CACNG3: variants seen among roughly 807,000 people sequenced by gnomAD.
CACNG3 encodes the protein voltage-dependent calcium channel gamma-3 subunit.
A neutral mutation model predicts 28.5 loss-of-function variants in CACNG3; 3 were observed. The ratio of observed to expected loss-of-function variants is 0.11; its 90% CI spans 0.05 to 0.27. CACNG3 has a LOEUF of 0.27. Among genes scored for constraint, CACNG3 ranks in the 10% least tolerant of loss-of-function variants. The probability of loss-of-function intolerance (pLI) is 1.00; values close to 1 mark genes in which losing one functional copy is unlikely to be tolerated. For missense variants in CACNG3, 236 were observed against 414.4 expected, an observed-to-expected ratio of 0.57 and a Z score of 3.74; for synonymous variants, 174 against 162.2, an observed-to-expected ratio of 1.07 and a Z score of -0.55.
chr16:24,274,559 C>G (rs931888910), intron 1 of CACNG3, among the ~76,000 whole-genome samples: 1 of 152,074 alleles, frequency 6.6e-6, no homozygotes, highest in Non-Finnish European at 1.5e-5. Context: ...TCTTTAGGAG[C>G]CTTAGGGAAG....
intron 1 of CACNG3, among the ~76,000 whole-genome samples, chr16:24,290,122 A>G (rs1256464986): frequency 1.3e-5 from 2 of 152,246 alleles, no homozygotes; most frequent in East Asian, 1.9e-4. Context: ...ACTAATTAAC[A>G]TTTTGAATCA....
At chr16:24,286,874 C>T (rs1271103183) in intron 1 of CACNG3, among the ~76,000 whole-genome samples, 1 of 152,206 alleles carries the variant, frequency 6.6e-6, no homozygotes, top group African/African-American at 2.4e-5. Flanking sequence ...AGGATACCGT[C>T]ACTGAGACTT....
intron 1 of CACNG3, among the ~76,000 whole-genome samples, chr16:24,267,367 G>A (rs1292878000): frequency 9.2e-5 from 14 of 151,772 alleles, no homozygotes; most frequent in South Asian, 2.1e-4. Flanking sequence ...AGCTCACTGC[G>A]GCCTCGACCT....
chr16:24,294,941 TAGTG>T (rs1180757454), intron 1 of CACNG3, among the ~76,000 whole-genome samples: 3 of 152,218 alleles, frequency 2.0e-5, no homozygotes, highest in African/African-American at 7.2e-5. Flanking sequence ...TAATGATAGA[TAGTG>T]AGTATTCACT....
chr16:24,257,370 A>G (rs1034588800), intron 1 of CACNG3, among the ~76,000 whole-genome samples: 1,718 of 6,934 alleles, frequency 0.25, 157 homozygotes, highest in African/African-American at 0.31. Context: ...GTGAGGGGGG[A>G]GAGAGAGAGA....
At chr16:24,294,407 CT>C (rs1471247359) in intron 1 of CACNG3, among the ~76,000 whole-genome samples, 1 of 152,172 alleles carries the variant, frequency 6.6e-6, no homozygotes, top group East Asian at 1.9e-4. Flanking sequence ...AGGGAGAAAT[CT>C]GTCTGTTCTG....
intron 1 of CACNG3, among the ~76,000 whole-genome samples, chr16:24,337,279 T>C (rs1189507339): frequency 1.3e-5 from 2 of 152,178 alleles, no homozygotes; most frequent in Non-Finnish European, 2.9e-5. Flanking sequence ...AGGCACCTGC[T>C]GAAGAAGAAG....
At chr16:24,333,096 C>G (rs1470842181) in intron 1 of CACNG3, among the ~76,000 whole-genome samples, 4 of 152,132 alleles carry the variant, frequency 2.6e-5, no homozygotes, top group Non-Finnish European at 5.9e-5. Context: ...AAAAATGACC[C>G]ATTTTATGAT....
intron 1 of CACNG3, among the ~76,000 whole-genome samples, chr16:24,259,674 A>G (rs997509998): frequency 2.6e-5 from 4 of 152,228 alleles, no homozygotes; most frequent in African/African-American, 7.2e-5. Context: ...GGGCTGTCAT[A>G]TGAAAGAGAG....
intron 1 of CACNG3, among the ~76,000 whole-genome samples, chr16:24,317,552 GAAAAAGAAAGAA>G (rs1899369417): frequency 1.7e-4 from 11 of 63,224 alleles, no homozygotes; most frequent in Non-Finnish European, 3.1e-4. Flanking sequence ...AAAAAAAAAA[GAAAAAGAAAGAA>G]AGAAAGAAAG....
intron 1 of CACNG3, among the ~76,000 whole-genome samples, chr16:24,336,367 G>T (rs1899709113): frequency 6.6e-6 from 1 of 151,168 alleles, no homozygotes; most frequent in African/African-American, 2.4e-5. Context: ...TGCCTCCCAG[G>T]TTCACGCCAT....
At chr16:24,359,130 C>T (rs1024440720) in intron 3 of CACNG3, among the ~76,000 whole-genome samples, 1 of 152,118 alleles carries the variant, frequency 6.6e-6, no homozygotes, top group African/African-American at 2.4e-5. Flanking sequence ...GCCATCAAAA[C>T]ATTCCTCATG....
At chr16:24,359,369 C>T (rs972635476) in intron 3 of CACNG3, among the ~76,000 whole-genome samples, 5 of 152,138 alleles carry the variant, frequency 3.3e-5, no homozygotes, top group South Asian at 2.1e-4. Context: ...CTGTTTGTCA[C>T]CCTGTGGTTT....
chr16:24,335,645 A>T (rs1342877816), intron 1 of CACNG3, among the ~76,000 whole-genome samples: 1 of 152,170 alleles, frequency 6.6e-6, no homozygotes, highest in Non-Finnish European at 1.5e-5. Flanking sequence ...TCTGGCTCCA[A>T]AATCCATGCT....
chr16:24,332,203 C>T (rs1899640197), intron 1 of CACNG3, among the ~76,000 whole-genome samples: 1 of 152,094 alleles, frequency 6.6e-6, no homozygotes, highest in South Asian at 2.1e-4. Context: ...TGGCTCATGC[C>T]TATAATTGCA....
chr16:24,350,991 C>T (rs1596652142), intron 2 of CACNG3, among the ~76,000 whole-genome samples: 2 of 152,330 alleles, frequency 1.3e-5, no homozygotes, highest in South Asian at 4.1e-4. Context: ...CCAGAGCTCA[C>T]TCGCTGGGAT....
chr16:24,337,606 C>T (rs1311309254), intron 1 of CACNG3, among the ~76,000 whole-genome samples: 2 of 151,770 alleles, frequency 1.3e-5, no homozygotes, highest in Non-Finnish European at 2.9e-5. Flanking sequence ...AGCTTGAGCT[C>T]AAGAGTTTGA....
chr16:24,331,133 G>C (rs1202177535), intron 1 of CACNG3, among the ~76,000 whole-genome samples: 1 of 152,090 alleles, frequency 6.6e-6, no homozygotes. Context: ...TACTGTGTTG[G>C]TGAACATGCC....
At position 24,335,755 on chromosome 16, in the gene CACNG3, A is replaced by G. The variant is rs1327552175; in HGVS notation, c.212-10979A>G. On this transcript the variant is annotated intron_variant, in intron 1 of 3. Transcript: ENST00000005284. ...AAGGCCTGACAGAGCACATCTCAAC[A>G]AACATGGATACTATGATGATTTCTT... 2.6e-5 allele frequency among the ~76,000 whole-genome samples: 4 copies of G among 152,010 alleles called. No individual in the cohort carries two copies. In the East Asian group the frequency reaches 7.8e-4, roughly 30 times the overall value.
Sources: allele counts gnomAD v4.1 joint callset (sites outside exome capture counted in the v4.1 genomes callset), GRCh38; gene constraint gnomAD v4.1.1; transcripts MANE v1.5; gene names NCBI Gene and HGNC (gene_info 2026-07-23, HGNC 2026-07-21).